GOLGA4: variants seen among roughly 807,000 people sequenced by gnomAD.
GOLGA4 encodes the protein golgin A4.
GOLGA4 carries 169 observed loss-of-function variants against 265.9 expected under a neutral mutation model. That is an observed-to-expected ratio of 0.64 (90% CI 0.56 to 0.72). The LOEUF (loss-of-function observed/expected upper bound fraction) is 0.72, where lower values mean the gene tolerates loss of function less well. Ranked by LOEUF, GOLGA4 falls within the 30% of genes least tolerant of loss-of-function variation. GOLGA4 has a pLI of 0.00. For synonymous variants in GOLGA4, 923 were observed against 855.8 expected, an observed-to-expected ratio of 1.08 and a Z score of -1.37; for missense variants, 2,482 against 2,483.4, an observed-to-expected ratio of 1.00 and a Z score of 0.01.
At chr3:37,276,461 C>G (rs1057121030) in intron 2 of GOLGA4, 1 of 1,610,792 alleles carries the variant, frequency 6.2e-7, no homozygotes, top group East Asian at 2.2e-5. Context: ...TGGTGGGACC[C>G]AGACTGACTT....
chr3:37,258,059 ATGTATATATGTATATATATATGTG>A (rs2096758027), intron 2 of GOLGA4, among the ~76,000 whole-genome samples: 1 of 78,396 alleles, frequency 1.3e-5, no homozygotes, highest in Admixed American at 1.4e-4. Flanking sequence ...ATATATATGT[ATGTATATATGTATATATATATGTG>A]TGTATATATA....
rs558244705 is a variant in GOLGA4, at chr3:37,331,270, A to T, written c.6192+2177A>T. Among the ~76,000 whole-genome samples, 2 of 152,288 alleles carry T rather than the reference A, an allele frequency of 1.3e-5. 1 individual carries two copies. The highest frequency in any genetic ancestry group is 4.1e-4 in the South Asian group (2 of 4,822). On this transcript the variant is annotated intron_variant, in intron 16 of 23. Coordinates refer to ENST00000361924, the MANE Select transcript of GOLGA4 (RefSeq NM_002078.5). ...TTTACATTTCATCTCAATTTGGAAT[A>T]GCAACATTTCAAGTTCTCACTAGCC...
At chr3:37,280,698 ATACTT>A (rs968087034) in intron 2 of GOLGA4, among the ~76,000 whole-genome samples, 11 of 152,202 alleles carry the variant, frequency 7.2e-5, no homozygotes, top group African/African-American at 2.2e-4. Context: ...TTTTTTGAAA[ATACTT>A]TATAGACCAG....
chr3:37,326,028 T>C lies in GOLGA4; in HGVS notation c.4142T>C (p.Val1381Ala). ...SLSKQLTDLNVQLQNSISLSE... is the reference protein window; with the variant it reads ...SLSKQLTDLNAQLQNSISLSE... ...AGTAAACAACTAACTGATTTGAATG[T>C]TCAGCTTCAAAATAGCATCAGCCTA... The change falls in exon 14 of 24, where the codon GTT (valine) becomes GCT (alanine). Residue 1381 changes from valine to alanine, a missense_variant. Transcript: ENST00000361924. The C allele has an allele frequency of 1.2e-6, 2 of 1,613,568 alleles. No homozygotes were observed. The highest frequency in any genetic ancestry group is 1.7e-6 in the Non-Finnish European group (2 of 1,179,636).
At chr3:37,288,966 G>C (rs1559386618) in intron 4 of GOLGA4, among the ~76,000 whole-genome samples, 1 of 151,948 alleles carries the variant, frequency 6.6e-6, no homozygotes, top group Admixed American at 6.6e-5. Flanking sequence ...TTTTTGTTTG[G>C]TTTACATGTC....
chr3:37,361,119 G>A (rs996975124), intron 22 of GOLGA4, 124 bp from the exon 23 acceptor site: 1 of 732,646 alleles, frequency 1.4e-6, no homozygotes, highest in Non-Finnish European at 2.5e-6. Context: ...CTTGATTTGG[G>A]GAGATTTGAG....
At chr3:37,316,810 CTTT>C (rs2096938869) in intron 11 of GOLGA4, among the ~76,000 whole-genome samples, 1 of 150,244 alleles carries the variant, frequency 6.7e-6, no homozygotes, top group South Asian at 2.1e-4. Flanking sequence ...ATTTTTTTTT[CTTT>C]TCCTTATAGA....
Position 37,302,335 on chromosome 3 carries a change from A to G in GOLGA4, c.1234+3A>G. Reference sequence around the variant, plus strand: ...GAAAGAAAAGTCCGAAAGAGCTGGTAAGAACTTGAGGGTTACTTGTTTTAT... The same window carrying G: ...GAAAGAAAAGTCCGAAAGAGCTGGTGAGAACTTGAGGGTTACTTGTTTTAT... On this transcript the variant is annotated splice_donor_region_variant and intron_variant, in intron 10 of 23. Coordinates refer to ENST00000361924, the MANE Select transcript of GOLGA4 (RefSeq NM_002078.5). The G allele has an allele frequency of 1.9e-6, 3 of 1,612,256 alleles. No individual in the cohort carries two copies. The highest frequency in any genetic ancestry group is 2.5e-6 in the Non-Finnish European group (3 of 1,178,948).
chr3:37,318,082 C>T (rs2096943000), intron 11 of GOLGA4, among the ~76,000 whole-genome samples: 2 of 151,134 alleles, frequency 1.3e-5, no homozygotes, highest in Non-Finnish European at 2.9e-5. Flanking sequence ...CTGTTAACAT[C>T]TTTGATCCAA....
At chr3:37,297,094 G>A (rs1420487627) in intron 7 of GOLGA4, among the ~76,000 whole-genome samples, 1 of 152,084 alleles carries the variant, frequency 6.6e-6, no homozygotes, top group Non-Finnish European at 1.5e-5. Flanking sequence ...ATAGATATTT[G>A]TATTTGTCCT....
At chr3:37,260,157 T>TGAAAAAAAA in intron 2 of GOLGA4, among the ~76,000 whole-genome samples, 1 of 124,084 alleles carries the variant, frequency 8.1e-6, no homozygotes, top group Non-Finnish European at 1.7e-5. Flanking sequence ...GTTGATGAGC[T>TGAAAAAAAA]AAAAAAAAAA....
intron 5 of GOLGA4, among the ~76,000 whole-genome samples, chr3:37,294,068 T>A (rs986615240): frequency 6.6e-6 from 1 of 152,204 alleles, no homozygotes; most frequent in Non-Finnish European, 1.5e-5. Flanking sequence ...CATTGTTATG[T>A]GATATGTGAC....
Position 37,289,292 on chromosome 3 carries a change from G to A in GOLGA4, c.582+1G>A, listed in dbSNP as rs765277356. The A allele has an allele frequency of 6.5e-7, 1 of 1,528,810 alleles. No individual in the cohort carries two copies. The highest frequency in any genetic ancestry group is 9.1e-7 in the Non-Finnish European group (1 of 1,104,904). The allele number at this position is 1,528,810 out of a possible 1,614,324, so 94.7% of individuals were successfully genotyped here. On this transcript the variant is annotated splice_donor_variant, in intron 5 of 23. Coordinates refer to ENST00000361924, the MANE Select transcript of GOLGA4 (RefSeq NM_002078.5). LOFTEE classifies it high-confidence loss of function. ...TCGGAGAATAGCAGAATTAAGAGAG[G>A]TAAGTTTCAGTGATGAGTACTTTGA...
intron 18 of GOLGA4, 135 bp from the exon 19 acceptor site, chr3:37,337,531 C>T: frequency 1.6e-6 from 1 of 645,080 alleles, no homozygotes; most frequent in East Asian, 2.7e-5. Flanking sequence ...GTCTGAAAGT[C>T]ATGCATTTTA....
At chr3:37,363,305 A>C (rs554004430) in intron 23 of GOLGA4, among the ~76,000 whole-genome samples, 1 of 152,260 alleles carries the variant, frequency 6.6e-6, no homozygotes, top group East Asian at 1.9e-4. Context: ...ATTAAGTCTT[A>C]ATGTTTTCCT....
At chr3:37,305,937 C>G (rs1200215679) in intron 10 of GOLGA4, among the ~76,000 whole-genome samples, 1 of 152,190 alleles carries the variant, frequency 6.6e-6, no homozygotes. Context: ...TAAGCTGCTC[C>G]TCATATTTTT....
At chr3:37,245,813 C>A (rs1369092972) in intron 1 of GOLGA4, among the ~76,000 whole-genome samples, 4 of 152,006 alleles carry the variant, frequency 2.6e-5, no homozygotes. Context: ...ATCCGCCAGC[C>A]CCGGCCTCCC....
chr3:37,313,483 C>CTCCCTG (rs1303931481), intron 10 of GOLGA4: 4 of 152,124 alleles, frequency 2.6e-5, no homozygotes, highest in African/African-American at 9.7e-5. Flanking sequence ...TTATATATGT[C>CTCCCTG]GGTGAACAAC....
chr3:37,355,201 G>A lies in GOLGA4; in HGVS notation c.6663+14G>A, dbSNP rs28509201. On this transcript the variant is annotated intron_variant, in intron 22 of 23. Coordinates refer to ENST00000361924, the MANE Select transcript of GOLGA4 (RefSeq NM_002078.5). ...GCTCGGCTGATGGTAAGTTCTGGAAGTGGGCTCTAGATAGAAGATGATTTC... is the reference window on the plus strand; with the variant it reads ...GCTCGGCTGATGGTAAGTTCTGGAAATGGGCTCTAGATAGAAGATGATTTC... 4,211 of 1,377,932 alleles carry A rather than the reference G, an allele frequency of 3.1e-3. 94 individuals carry two copies. The African/African-American group carries it at 0.052, about 17-fold the overall frequency. 85.4% of individuals were successfully genotyped at this position (1,377,932 alleles called of 1,614,324 possible).
Sources: gnomAD v4.1 joint callset for allele counts (sites outside exome capture counted in the v4.1 genomes callset) on GRCh38, gnomAD v4.1.1 for gene constraint, MANE v1.5 for transcripts, NCBI Gene and HGNC (gene_info 2026-07-23, HGNC 2026-07-21) for gene names.